The following COMMD1 variants were observed in gnomAD, a reference collection of about 807,000 sequenced individuals.
COMMD1 encodes the protein copper metabolism domain containing 1.
In COMMD1, 10 loss-of-function variants were observed where a neutral mutation model predicts 17.2. The ratio of observed to expected loss-of-function variants is 0.58; its 90% confidence interval spans 0.36 to 0.99. COMMD1 has a LOEUF of 0.99. COMMD1 is among the 50% of genes least tolerant of loss of function. The probability of loss-of-function intolerance (pLI) is 0.01; values close to 1 mark genes in which losing one functional copy is unlikely to be tolerated. For missense variants in COMMD1, 270 were observed against 231.8 expected (o/e 1.17, Z -1.07); for synonymous variants, 97 against 91.6 (o/e 1.06, Z -0.34).
intron 1 of COMMD1, among the ~76,000 whole-genome samples, chr2:61,892,252 A>G (rs897693189): frequency 6.6e-6 from 1 of 152,012 alleles, no homozygotes; most frequent in African/African-American, 2.4e-5. Context: ...TAACAATACA[A>G]TTTCCTTAAT....
chr2:61,953,011 G>T (rs1671098381), intron 1 of COMMD1, among the ~76,000 whole-genome samples: 2 of 152,018 alleles, frequency 1.3e-5, no homozygotes, highest in Non-Finnish European at 2.9e-5. Flanking sequence ...AAATATTGAG[G>T]TTAGTTTCTT....
chr2:62,030,117 C>G (rs547868508), intron 2 of COMMD1, among the ~76,000 whole-genome samples: 1 of 152,334 alleles, frequency 6.6e-6, no homozygotes, highest in Non-Finnish European at 1.5e-5. Flanking sequence ...TCTTCTTGCC[C>G]TCTCAGAGCA....
At chr2:61,926,315 G>T (rs1670329048) in intron 1 of COMMD1, among the ~76,000 whole-genome samples, 1 of 152,064 alleles carries the variant, frequency 6.6e-6, no homozygotes, top group South Asian at 2.1e-4. Context: ...CGTAAATAGT[G>T]TACAAGTAAG....
intron 2 of COMMD1, among the ~76,000 whole-genome samples, chr2:62,078,000 G>A (rs1671393518): frequency 6.6e-6 from 1 of 152,090 alleles, no homozygotes; most frequent in African/African-American, 2.4e-5. Flanking sequence ...GTGGGACTGG[G>A]CATAGTGGCT....
chr2:62,093,408 G>T (rs1234362063), intron 2 of COMMD1, among the ~76,000 whole-genome samples: 2 of 152,022 alleles, frequency 1.3e-5, no homozygotes, highest in African/African-American at 4.8e-5. Context: ...TTTTTTCAGG[G>T]GCCCAATGAG....
At position 61,963,159 on chromosome 2, in the gene COMMD1, CA is replaced by C. The variant is rs1393298930; in HGVS notation, c.181-37531del. 9.5e-4 allele frequency among the ~76,000 whole-genome samples: 114 copies of C among 119,538 alleles called. 1 individual carries two copies. The highest frequency in any genetic ancestry group is 3.5e-3 in the Admixed American group (41 of 11,700). 78.4% of individuals were successfully genotyped at this position (119,538 alleles called of 152,430 possible). A position where few individuals can be genotyped will look rare whatever the true frequency, so the allele number is the denominator to read the frequency against. ...TGGGTGACAGAGTGAGACCCTGTCT[CA>C]AAAAAAAAAATATATATATATATAT... is the stretch of plus-strand genomic sequence containing the variant. On this transcript the variant is annotated intron_variant, in intron 1 of 2. Transcript: ENST00000311832.
At chr2:62,003,078 C>G (rs1669001856) in intron 2 of COMMD1, among the ~76,000 whole-genome samples, 1 of 151,178 alleles carries the variant, frequency 6.6e-6, no homozygotes, top group South Asian at 2.1e-4. Context: ...ACTAAAAATA[C>G]AAAAATTAGC....
At chr2:61,971,868 C>A (rs1671659966) in intron 1 of COMMD1, among the ~76,000 whole-genome samples, 1 of 152,026 alleles carries the variant, frequency 6.6e-6, no homozygotes, top group South Asian at 2.1e-4. Context: ...TGCCTGTAAT[C>A]CCAGCACTTT....
At chr2:61,984,958 T>C (rs1378639515) in intron 1 of COMMD1, among the ~76,000 whole-genome samples, 1 of 152,064 alleles carries the variant, frequency 6.6e-6, no homozygotes, top group Non-Finnish European at 1.5e-5. Context: ...TTATCTGATA[T>C]AAGTATAGCT....
chr2:61,955,336 C>T (rs1399711128), intron 1 of COMMD1, among the ~76,000 whole-genome samples: 1 of 151,834 alleles, frequency 6.6e-6, no homozygotes. Flanking sequence ...CTCTCTCTCT[C>T]TGTCTCTCTC....
intron 2 of COMMD1, among the ~76,000 whole-genome samples, chr2:62,106,596 G>T (rs943743755): frequency 6.6e-6 from 1 of 152,224 alleles, no homozygotes; most frequent in African/African-American, 2.4e-5. Flanking sequence ...ATGGTTTGGT[G>T]TGATGAGCTT....
At chr2:62,110,923 A>G (rs890266738) in intron 2 of COMMD1, among the ~76,000 whole-genome samples, 1 of 152,172 alleles carries the variant, frequency 6.6e-6, no homozygotes, top group Non-Finnish European at 1.5e-5. Flanking sequence ...TCAGGCTTAA[A>G]TACTGTCATT....
chr2:62,067,362 A>G (rs766421952), intron 2 of COMMD1, among the ~76,000 whole-genome samples: 15 of 152,316 alleles, frequency 9.8e-5, no homozygotes, highest in Middle Eastern at 3.4e-3. Context: ...CTATTTGTAT[A>G]GTTCATTCTA....
intron 1 of COMMD1, among the ~76,000 whole-genome samples, chr2:61,909,759 T>C (rs1307492102): frequency 6.6e-6 from 1 of 152,110 alleles, no homozygotes; most frequent in Non-Finnish European, 1.5e-5. Flanking sequence ...GACAAGAGGG[T>C]AGAAGCAAAG....
chr2:61,944,826 G>A (rs1455479543), intron 1 of COMMD1, among the ~76,000 whole-genome samples: 2 of 152,166 alleles, frequency 1.3e-5, no homozygotes, highest in African/African-American at 4.8e-5. Flanking sequence ...GTCATTAGAA[G>A]GCTTCTCTAG....
chr2:61,953,691 A>G (rs1203168565), intron 1 of COMMD1, among the ~76,000 whole-genome samples: 4 of 152,134 alleles, frequency 2.6e-5, no homozygotes, highest in African/African-American at 4.8e-5. Context: ...TCTTTGAGCT[A>G]TTTAGAATAG....
chr2:61,915,609 C>A, intron 1 of COMMD1: 1 of 419,650 alleles, frequency 2.4e-6, no homozygotes, highest in South Asian at 1.7e-5. Context: ...CCCACCTCAG[C>A]CTTTTGAGTA....
At chr2:61,935,609 G>A (rs1457883626) in intron 1 of COMMD1, among the ~76,000 whole-genome samples, 1 of 151,778 alleles carries the variant, frequency 6.6e-6, no homozygotes. Context: ...TTCAGCCTGG[G>A]CGACAGAGCA....
intron 1 of COMMD1, among the ~76,000 whole-genome samples, chr2:61,997,878 A>G (rs1428852885): frequency 6.6e-6 from 1 of 152,232 alleles, no homozygotes; most frequent in Non-Finnish European, 1.5e-5. Flanking sequence ...ATAAAGTCCT[A>G]GATGGTATCT....
Sources: allele counts gnomAD v4.1 joint callset (sites outside exome capture counted in the v4.1 genomes callset), GRCh38; gene constraint gnomAD v4.1.1; transcripts MANE v1.5; gene names NCBI Gene and HGNC (gene_info 2026-07-23, HGNC 2026-07-21).